Variants in UTY observed in about 807,000 individuals in gnomAD.
UTY encodes histone demethylase UTY.
In UTY, 12 loss-of-function variants were observed where a neutral mutation model predicts 32.5. That is an observed-to-expected ratio of 0.37 (90% CI 0.24 to 0.60). UTY has a LOEUF of 0.60. UTY is among the 20% of genes least tolerant of loss of function. The pLI, the probability that UTY is intolerant of heterozygous loss-of-function variation, is 0.69. For missense variants in UTY, 303 were observed against 299.2 expected, an observed-to-expected ratio of 1.01 and a Z score of -0.09; for synonymous variants, 131 against 103.4, an observed-to-expected ratio of 1.27 and a Z score of -1.62.
At chrY:13,376,396 A>T in intron 8 of UTY, among the ~76,000 whole-genome samples, 2 of 33,825 alleles carry the variant, frequency 5.9e-5, no homozygotes, top group African/African-American at 1.2e-4. Flanking sequence ...CTTGTGATCC[A>T]TTTTGAATTC....
intron 6 of UTY, among the ~76,000 whole-genome samples, chrY:13,406,977 A>G: frequency 3.3e-5 from 1 of 30,757 alleles, no homozygotes; most frequent in Non-Finnish European, 8.0e-5. Flanking sequence ...CTTAAGATCT[A>G]CTCTCTTTAT....
chrY:13,299,162 GA>G lies in UTY; in HGVS notation c.3681-19del. ...AATTATTTCTGAAAAAGAAAATAAT[GA>G]AAATCAGGTTGAAAGGTGTTTTATT... On this transcript the variant is annotated intron_variant, in intron 25 of 29. Transcript: ENST00000545955. 3.5e-6 allele frequency: 1 copy of G among 288,913 alleles called. No individual in the cohort carries two copies. Among genetic ancestry groups the G allele is most frequent in the South Asian group, 5.2e-5 (1 of 19,146 alleles). 72.1% of individuals were successfully genotyped at this position (288,913 alleles called of 400,897 possible). A position where few individuals can be genotyped will look rare whatever the true frequency, so the allele number is the denominator to read the frequency against.
Position 13,369,304 on chromosome Y carries a change from T to C in UTY, c.691A>G (p.Thr231Ala), listed in dbSNP as rs1053497070. The change falls in exon 9 of 30, where the codon ACA becomes GCA. Residue 231 changes from threonine to alanine, a missense_variant. Thr to Ala is a moderately conservative substitution (Grantham distance 58, BLOSUM62 0). Coordinates refer to ENST00000545955, the MANE Select transcript of UTY (RefSeq NM_001258249.2). ...TTTACTTGTGCAGGAAGGTTTTCTG[T>C]CTGCAAAAGTTGTTCATATGCCTCC... is the stretch of plus-strand genomic sequence containing the variant. ...AKEAYEQLLQTENLPAQVKAT... is the reference protein window; with the variant it reads ...AKEAYEQLLQAENLPAQVKAT... 1 of 370,617 alleles carries C rather than the reference T, an allele frequency of 2.7e-6. No individual in the cohort carries two copies. The highest frequency in any genetic ancestry group is 3.7e-6 in the Non-Finnish European group (1 of 268,247). The allele number at this position is 370,617 out of a possible 400,897, so 92.4% of individuals were successfully genotyped here.
chrY:13,311,090 A>C (rs2059034648), intron 21 of UTY, among the ~76,000 whole-genome samples: 10 of 30,169 alleles, frequency 3.3e-4, no homozygotes, highest in African/African-American at 7.7e-4. Flanking sequence ...TCCGTCCCCA[A>C]AAAAAAAAAA....
downstream of UTY, among the ~76,000 whole-genome samples, chrY:13,246,570 G>A: frequency 6.2e-5 from 2 of 32,209 alleles, no homozygotes; most frequent in African/African-American, 1.2e-4. Flanking sequence ...CTTTGGAAAA[G>A]CAGCCAAGGT....
At chrY:13,423,177 C>T in intron 4 of UTY, among the ~76,000 whole-genome samples, 2 of 32,944 alleles carry the variant, frequency 6.1e-5, no homozygotes, top group Non-Finnish European at 1.5e-4. Flanking sequence ...ACCCAGGCCA[C>T]TAAAAAAATC....
intron 17 of UTY, among the ~76,000 whole-genome samples, chrY:13,351,373 GT>G (rs2062386323): frequency 3.0e-5 from 1 of 33,136 alleles, no homozygotes; most frequent in Non-Finnish European, 7.4e-5. Context: ...AGTAATAATT[GT>G]TTTTTCCCTT....
At chrY:13,372,259 G>A (rs368418165) in intron 8 of UTY, among the ~76,000 whole-genome samples, 1 of 33,233 alleles carries the variant, frequency 3.0e-5, no homozygotes, top group Non-Finnish European at 7.5e-5. Context: ...GAAACAATAC[G>A]GTATTGGTAT....
intron 4 of UTY, among the ~76,000 whole-genome samples, chrY:13,429,981 G>A: frequency 3.0e-5 from 1 of 33,878 alleles, no homozygotes; most frequent in South Asian, 6.5e-4. Flanking sequence ...CCATCTGTGA[G>A]GGCACACCCT....
chrY:13,267,570 AT>A (rs2055931874), intron 27 of UTY, among the ~76,000 whole-genome samples: 1 of 33,443 alleles, frequency 3.0e-5, no homozygotes, highest in Non-Finnish European at 7.4e-5. Context: ...TGTCATTATA[AT>A]GCTAGCCCAT....
intron 6 of UTY, among the ~76,000 whole-genome samples, chrY:13,406,674 C>T (rs774657787): frequency 2.4e-4 from 7 of 29,589 alleles, no homozygotes; most frequent in South Asian, 2.2e-3. Flanking sequence ...ATCTTTTTTC[C>T]GGCTTTATTG....
chrY:13,268,567 T>C, intron 27 of UTY, among the ~76,000 whole-genome samples: 1 of 33,765 alleles, frequency 3.0e-5, no homozygotes, highest in South Asian at 6.7e-4. Flanking sequence ...TTTGTTCCCT[T>C]GCTGGTGAGG....
intron 6 of UTY, among the ~76,000 whole-genome samples, chrY:13,403,839 T>C (rs1008354867): frequency 3.1e-5 from 1 of 32,744 alleles, no homozygotes; most frequent in Admixed American, 2.9e-4. Context: ...GGCCAGGAAT[T>C]CCACGCGTTG....
intron 10 of UTY, among the ~76,000 whole-genome samples, chrY:13,363,732 C>CTTTTAATG (rs2063768931): frequency 4.7e-4 from 16 of 33,943 alleles, no homozygotes; most frequent in Non-Finnish European, 9.5e-4. Flanking sequence ...TAATTAACCT[C>CTTTTAATG]TTTTAATGTT....
At chrY:13,387,176 A>C (rs748148220) in intron 8 of UTY, among the ~76,000 whole-genome samples, 100 of 33,434 alleles carry the variant, frequency 3.0e-3, no homozygotes, top group Non-Finnish European at 4.4e-3. Context: ...AGTTAAAAAA[A>C]AAACAACAAA....
intron 3 of UTY, among the ~76,000 whole-genome samples, chrY:13,461,580 C>T: frequency 6.0e-5 from 2 of 33,096 alleles, no homozygotes; most frequent in African/African-American, 2.4e-4. Flanking sequence ...ATTTTAAAAG[C>T]ATAAAAAGAA....
chrY:13,437,092 G>A (rs897250408), intron 4 of UTY, among the ~76,000 whole-genome samples: 1 of 31,995 alleles, frequency 3.1e-5, no homozygotes, highest in Non-Finnish European at 7.6e-5. Context: ...TAAGAGGAAG[G>A]GCAATTGTCT....
chrY:13,236,374 GA>G (rs2053852847), intron 28 of UTY, among the ~76,000 whole-genome samples: 1 of 31,233 alleles, frequency 3.2e-5, no homozygotes, highest in Admixed American at 3.1e-4. Flanking sequence ...AGTCAATCAA[GA>G]TATAAGAGAA....
At chrY:13,388,268 G>A (rs902725225) in intron 8 of UTY, among the ~76,000 whole-genome samples, 1 of 34,160 alleles carries the variant, frequency 2.9e-5, no homozygotes, top group African/African-American at 1.1e-4. Context: ...AGATGTTACT[G>A]CATGTTGCAT....
Sources: gnomAD v4.1 joint callset for allele counts (sites outside exome capture counted in the v4.1 genomes callset) on GRCh38, gnomAD v4.1.1 for gene constraint, MANE v1.5 for transcripts, NCBI Gene and HGNC (gene_info 2026-07-23, HGNC 2026-07-21) for gene names.